COL25A1: variants seen among roughly 807,000 people sequenced by gnomAD.
The protein encoded by COL25A1 is collagen type XXV alpha 1 chain, also known as collagen alpha-1(XXV) chain.
Under a neutral mutation model 128.4 loss-of-function variants are expected in COL25A1, and 103 were observed. The observed-to-expected ratio is 0.80, with a 90% CI of 0.68 to 0.94. COL25A1 has a LOEUF of 0.94. Ranked by LOEUF, COL25A1 falls within the 40% of genes least tolerant of loss-of-function variation. The pLI, the probability that COL25A1 is intolerant of heterozygous loss-of-function variation, is 0.00. For missense variants in COL25A1, 745 were observed against 840.0 expected, an observed-to-expected ratio of 0.89 and a Z score of 1.40; for synonymous variants, 279 against 277.2, an observed-to-expected ratio of 1.01 and a Z score of -0.06.
At chr4:109,146,458 T>C (rs942361562) in intron 3 of COL25A1, among the ~76,000 whole-genome samples, 1 of 152,220 alleles carries the variant, frequency 6.6e-6, no homozygotes, top group East Asian at 1.9e-4. Context: ...TAAATAGTAA[T>C]TGAACAAAAA....
chr4:109,188,139 C>T (rs1323659392), intron 3 of COL25A1, among the ~76,000 whole-genome samples: 2 of 152,088 alleles, frequency 1.3e-5, no homozygotes, highest in African/African-American at 2.4e-5. Context: ...GACTATAGAG[C>T]CGATGTTCCG....
At chr4:108,826,363 C>A (rs925980075) in intron 33 of COL25A1, among the ~76,000 whole-genome samples, 2 of 152,048 alleles carry the variant, frequency 1.3e-5, no homozygotes. Context: ...CATAGTGAAA[C>A]CCCATCTCTA....
At chr4:109,108,204 C>T (rs1766637493) in intron 3 of COL25A1, among the ~76,000 whole-genome samples, 1 of 152,138 alleles carries the variant, frequency 6.6e-6, no homozygotes, top group Non-Finnish European at 1.5e-5. Flanking sequence ...CAACAGGCCC[C>T]GGTGTGTGAT....
chr4:109,029,164 T>C (rs929965807), intron 5 of COL25A1, among the ~76,000 whole-genome samples: 3 of 152,176 alleles, frequency 2.0e-5, no homozygotes, highest in Non-Finnish European at 4.4e-5. Context: ...TATGGCATAA[T>C]TCTATGCTAA....
At chr4:108,917,301 G>A (rs529524428) in intron 13 of COL25A1, among the ~76,000 whole-genome samples, 6 of 152,270 alleles carry the variant, frequency 3.9e-5, no homozygotes, top group Middle Eastern at 6.8e-3. Context: ...GTTGAGTTAC[G>A]TATGATTTCA....
At chr4:108,862,946 A>G (rs900111057) in intron 21 of COL25A1, among the ~76,000 whole-genome samples, 1 of 152,242 alleles carries the variant, frequency 6.6e-6, no homozygotes, top group Non-Finnish European at 1.5e-5. Context: ...GGTCAAACAG[A>G]CAAATAAGTC....
intron 22 of COL25A1, among the ~76,000 whole-genome samples, chr4:108,861,383 A>G (rs548624751): frequency 1.2e-4 from 18 of 152,302 alleles, no homozygotes; most frequent in African/African-American, 2.9e-4. Flanking sequence ...AGAAAAGTGT[A>G]GATAGTTGGG....
chr4:108,972,258 T>A (rs1370805470), intron 8 of COL25A1, among the ~76,000 whole-genome samples: 3 of 152,148 alleles, frequency 2.0e-5, no homozygotes, highest in Admixed American at 2.0e-4. Context: ...GACAGGGTAT[T>A]GGAATACAAA....
chr4:108,990,225 AAAAAAAAAAAAAAAATATATATATAT>A (rs1754042345), intron 6 of COL25A1, among the ~76,000 whole-genome samples: 1 of 69,036 alleles, frequency 1.4e-5, no homozygotes, highest in Non-Finnish European at 2.8e-5. Flanking sequence ...AAAAAAAAAA[AAAAAAAAAAAAAAAATATATATATAT>A]ATATATATAT....
At chr4:108,868,226 G>A (rs980127388) in intron 20 of COL25A1, among the ~76,000 whole-genome samples, 1 of 152,082 alleles carries the variant, frequency 6.6e-6, no homozygotes, top group African/African-American at 2.4e-5. Flanking sequence ...CAATTTAGGA[G>A]CAATTTGGGG....
At chr4:109,078,394 C>T (rs576413238) in intron 3 of COL25A1, among the ~76,000 whole-genome samples, 2 of 152,194 alleles carry the variant, frequency 1.3e-5, no homozygotes, top group East Asian at 1.9e-4. Flanking sequence ...TATCATAAAT[C>T]GCCAGATACT....
At chr4:108,974,666 T>C (rs1315142607) in intron 6 of COL25A1, 107 bp from the exon 7 acceptor site, 1 of 906,754 alleles carries the variant, frequency 1.1e-6, no homozygotes, top group Non-Finnish European at 1.6e-6. Context: ...CAGAGATAGC[T>C]GTCAATGAGG....
intron 18 of COL25A1, among the ~76,000 whole-genome samples, chr4:108,887,506 G>A (rs1356352823): frequency 3.9e-5 from 6 of 152,080 alleles, no homozygotes; most frequent in African/African-American, 1.4e-4. Context: ...TGTATCAAAG[G>A]GTAGAATCTG....
At chr4:108,903,407 T>C (rs1743088880) in intron 13 of COL25A1, among the ~76,000 whole-genome samples, 1 of 152,042 alleles carries the variant, frequency 6.6e-6, no homozygotes, top group Admixed American at 6.6e-5. Context: ...ATACGCACAT[T>C]TGTTTTCACA....
chr4:108,830,727 G>A (rs1035005263), intron 32 of COL25A1, among the ~76,000 whole-genome samples: 1 of 152,238 alleles, frequency 6.6e-6, no homozygotes, highest in Admixed American at 6.5e-5. Context: ...ATACTCTTGT[G>A]ACATTGTGGA....
At chr4:109,268,304 T>C (rs1321063343) in intron 3 of COL25A1, among the ~76,000 whole-genome samples, 1 of 152,212 alleles carries the variant, frequency 6.6e-6, no homozygotes, top group Non-Finnish European at 1.5e-5. Flanking sequence ...TAAGCATTTA[T>C]GTCTATTTTT....
chr4:108,965,817 G>T (rs1469456788), intron 8 of COL25A1, among the ~76,000 whole-genome samples: 2 of 152,134 alleles, frequency 1.3e-5, no homozygotes, highest in African/African-American at 4.8e-5. Flanking sequence ...AAGAAATGAA[G>T]TTCATTTTTT....
chr4:109,090,343 C>A (rs1300770462), intron 3 of COL25A1, among the ~76,000 whole-genome samples: 1 of 151,926 alleles, frequency 6.6e-6, no homozygotes, highest in African/African-American at 2.4e-5. Context: ...CTTTATTTTT[C>A]TTCTACCTTT....
At chr4:109,061,917 A>G (rs373786596) in intron 3 of COL25A1, among the ~76,000 whole-genome samples, 22 of 152,312 alleles carry the variant, frequency 1.4e-4, no homozygotes, top group African/African-American at 4.1e-4. Flanking sequence ...GCATTTTCCA[A>G]TGAAACTACA....
Sources: gnomAD v4.1 joint callset for allele counts (sites outside exome capture counted in the v4.1 genomes callset) on GRCh38, gnomAD v4.1.1 for gene constraint, MANE v1.5 for transcripts, NCBI Gene and HGNC (gene_info 2026-07-23, HGNC 2026-07-21) for gene names.